Variants in SEC23A observed in about 807,000 individuals in gnomAD.
SEC23A encodes the protein protein transport protein Sec23A.
In SEC23A, 56 loss-of-function variants were observed where a neutral mutation model predicts 103.7. The observed-to-expected ratio is 0.54, with a 90% CI of 0.44 to 0.67. SEC23A has a LOEUF of 0.67. SEC23A is among the 30% of genes least tolerant of loss of function. The probability of loss-of-function intolerance (pLI) is 0.00; values close to 1 mark genes in which losing one functional copy is unlikely to be tolerated. For synonymous variants in SEC23A, 281 were observed against 293.0 expected (o/e 0.96, Z 0.42); for missense variants, 784 against 936.4 (o/e 0.84, Z 2.12).
intron 13 of SEC23A, among the ~76,000 whole-genome samples, 179 bp downstream of exon 13, chr14:39,061,586 G>A (rs911480785): frequency 2.0e-5 from 3 of 151,874 alleles, no homozygotes; most frequent in South Asian, 2.1e-4. Flanking sequence ...TTGCTCTTAC[G>A]GTTCTTAGTA....
At chr14:39,095,405 T>C (rs1324009981) in intron 2 of SEC23A, among the ~76,000 whole-genome samples, 1 of 151,958 alleles carries the variant, frequency 6.6e-6, no homozygotes, top group African/African-American at 2.4e-5. Flanking sequence ...CAAGCAATTC[T>C]CCTGTCTCAG....
rs1280937060 is a variant in SEC23A at position 39,033,122 on chromosome 14, A to C, written c.*117T>G. The C allele has an allele frequency of 5.2e-6, 4 of 763,282 alleles. No homozygotes were observed. Among genetic ancestry groups the C allele is most frequent in the Non-Finnish European group, 9.4e-6 (4 of 426,632 alleles). The allele number at this position is 763,282 out of a possible 1,614,324, so 47.3% of individuals were successfully genotyped here. A position where few individuals can be genotyped will look rare whatever the true frequency, so the allele number is the denominator to read the frequency against. ...TTTTCCATATGTTGTCTCAAACCAT[A>C]CTAATACAAAAAATATAGAGCAATA... On this transcript the variant is annotated 3_prime_UTR_variant, in exon 20 of 20. Coordinates refer to ENST00000307712, the MANE Select transcript of SEC23A (RefSeq NM_006364.4).
chr14:39,038,076 T>G (rs73285748), intron 19 of SEC23A, among the ~76,000 whole-genome samples: 2 of 152,280 alleles, frequency 1.3e-5, no homozygotes, highest in African/African-American at 4.8e-5. Context: ...ACATTCAAGA[T>G]CCTCCACAAT....
Position 39,048,707 on chromosome 14 carries a change from T to A in SEC23A, c.1682A>T (p.His561Leu). The A allele has an allele frequency of 6.3e-7, 1 of 1,586,130 alleles. No homozygotes were observed. The highest frequency in any genetic ancestry group is 8.7e-7 in the Non-Finnish European group (1 of 1,154,732). Residue 561 changes from histidine (H) to leucine (L), a missense_variant, in exon 15 of 20, where the codon CAT (histidine) becomes CTT (leucine). His to Leu is a moderately conservative substitution (Grantham distance 99). Around this residue, in one of 2 missense-constraint regions of SEC23A, gnomAD observed 683 missense variants for 774.2 expected, o/e 0.88. Coordinates refer to ENST00000307712, the MANE Select transcript of SEC23A (RefSeq NM_006364.4). ...IRLCQKFGEY[H>L]KDDPSSFRFS... ...TCTGAAGGAACTTGGGTCATCTTTA[T>A]GATATTCTCCAAATTTCTGACACTA...
intron 14 of SEC23A, among the ~76,000 whole-genome samples, chr14:39,050,808 G>GAAGGAAGAAAGA (rs71434001): frequency 1.3e-5 from 2 of 150,610 alleles, no homozygotes; most frequent in African/African-American, 4.9e-5. Context: ...GGAAAGAAAG[G>GAAGGAAGAAAGA]AAGAAAGAAA....
intron 19 of SEC23A, among the ~76,000 whole-genome samples, chr14:39,033,842 T>C (rs1027300613): frequency 6.6e-6 from 1 of 152,228 alleles, no homozygotes; most frequent in Non-Finnish European, 1.5e-5. Context: ...AAAAACTGTA[T>C]TGACAGAATG....
intron 2 of SEC23A, chr14:39,095,101 G>C (rs1887839086): frequency 1.5e-6 from 1 of 658,818 alleles, no homozygotes; most frequent in Non-Finnish European, 2.7e-6. Context: ...TCTTGAAGCA[G>C]GGTATACTAC....
chr14:39,077,907 A>T (rs1383690448), intron 7 of SEC23A, among the ~76,000 whole-genome samples: 1 of 152,126 alleles, frequency 6.6e-6, no homozygotes. Flanking sequence ...TACTCCAGCC[A>T]GGATGACAGA....
intron 18 of SEC23A, chr14:39,039,379 C>T: frequency 3.0e-6 from 1 of 336,908 alleles, no homozygotes; most frequent in East Asian, 5.6e-5. Context: ...ACAATTATGA[C>T]AAGGTTGGTG....
chr14:39,047,914 T>G (rs1885899011), intron 15 of SEC23A, among the ~76,000 whole-genome samples: 1 of 152,202 alleles, frequency 6.6e-6, no homozygotes, highest in South Asian at 2.1e-4. Flanking sequence ...AAATATTCTG[T>G]AAGGTAAATC....
At position 39,091,729 on chromosome 14, in the gene SEC23A, C is replaced by G; in HGVS notation, c.367-16G>C. 1 of 1,566,832 alleles carries G rather than the reference C, an allele frequency of 6.4e-7. No individual in the cohort carries two copies. The highest frequency in any genetic ancestry group is 8.8e-7 in the Non-Finnish European group (1 of 1,137,308). On this transcript the variant is annotated splice_polypyrimidine_tract_variant and intron_variant, in intron 4 of 19. Coordinates refer to ENST00000307712, the MANE Select transcript of SEC23A (RefSeq NM_006364.4). ...GAGGACCACGCTTTTAAAAAATTCA[C>G]CAAAAAGAAAAAATATGTAGTTTAA...
At chr14:39,096,974 A>T (rs1887912041) in intron 1 of SEC23A, among the ~76,000 whole-genome samples, 1 of 152,234 alleles carries the variant, frequency 6.6e-6, no homozygotes, top group Admixed American at 6.5e-5. Flanking sequence ...AGTACAGGCT[A>T]TTTGTGGCAC....
intron 1 of SEC23A, among the ~76,000 whole-genome samples, chr14:39,100,595 T>C (rs540272082): frequency 2.6e-5 from 4 of 151,836 alleles, no homozygotes; most frequent in Non-Finnish European, 5.9e-5. Context: ...GTATTTTTAG[T>C]AGAGATGGGG....
chr14:39,038,899 A>G, intron 19 of SEC23A, 132 bp downstream of exon 19: 2 of 798,038 alleles, frequency 2.5e-6, no homozygotes, highest in Non-Finnish European at 4.2e-6. Context: ...TCTGTTTTCT[A>G]CTCTCATTTT....
At position 39,059,151 on chromosome 14, in the gene SEC23A, C is replaced by T. The variant is rs1471014064; in HGVS notation, c.1505+2614G>A. ...CTTACAACTAGTTTAAACCAAAATTCCTAGATCAAAGTCATTTTGTACATG... is the reference window on the plus strand; with the variant it reads ...CTTACAACTAGTTTAAACCAAAATTTCTAGATCAAAGTCATTTTGTACATG... On this transcript the variant is annotated intron_variant, in intron 13 of 19. Coordinates refer to ENST00000307712, the MANE Select transcript of SEC23A (RefSeq NM_006364.4). Among the ~76,000 whole-genome samples, 7 of 151,936 alleles carry T rather than the reference C, an allele frequency of 4.6e-5. No homozygotes were observed. In the East Asian group the frequency reaches 1.4e-3, roughly 29 times the overall value.
chr14:39,081,510 A>G (rs1447745936), intron 7 of SEC23A, among the ~76,000 whole-genome samples: 1 of 152,220 alleles, frequency 6.6e-6, no homozygotes, highest in African/African-American at 2.4e-5. Context: ...ATTTTGTACT[A>G]TATATTCTCA....
At chr14:39,036,974 T>C (rs1885483906) in intron 19 of SEC23A, among the ~76,000 whole-genome samples, 1 of 152,172 alleles carries the variant, frequency 6.6e-6, no homozygotes, top group Non-Finnish European at 1.5e-5. Flanking sequence ...TCTTCAACTG[T>C]CTGCGGCATG....
chr14:39,100,099 T>G (rs1193107566), intron 1 of SEC23A, among the ~76,000 whole-genome samples: 1 of 152,216 alleles, frequency 6.6e-6, no homozygotes, highest in Non-Finnish European at 1.5e-5. Context: ...CTGAGTGATA[T>G]CTGGGCACAA....
chr14:39,051,968 A>G (rs201162400), intron 14 of SEC23A, among the ~76,000 whole-genome samples: 1 of 6,834 alleles, frequency 1.5e-4, no homozygotes, highest in Admixed American at 7.5e-4. Flanking sequence ...CTCCTTCTCG[A>G]AAAAAAAAAA....
Sources: allele counts gnomAD v4.1 joint callset (sites outside exome capture counted in the v4.1 genomes callset), GRCh38; gene constraint gnomAD v4.1.1; regional missense constraint gnomAD v4.1.1; transcripts MANE v1.5; gene names NCBI Gene and HGNC (gene_info 2026-07-23, HGNC 2026-07-21).